The following FOXP1 variants were observed in gnomAD, a reference collection of about 807,000 sequenced individuals.
FOXP1 encodes forkhead box protein P1.
FOXP1 carries 15 observed loss-of-function variants against 98.2 expected under a neutral mutation model. The ratio of observed to expected loss-of-function variants is 0.15; its 90% CI spans 0.10 to 0.24. The LOEUF is 0.24. Among genes scored for constraint, FOXP1 ranks in the 10% least tolerant of loss-of-function variants. FOXP1 has a pLI of 1.00. For synonymous variants in FOXP1, 371 were observed against 314.5 expected (o/e 1.18, Z -1.90); for missense variants, 633 against 848.5 (o/e 0.75, Z 3.15).
At chr3:71,243,432 G>A (rs1321552394) in intron 5 of FOXP1, among the ~76,000 whole-genome samples, 2 of 152,148 alleles carry the variant, frequency 1.3e-5, no homozygotes, top group South Asian at 4.1e-4. Flanking sequence ...CTCGAGTCCC[G>A]TGCTGAAGCT....
At chr3:71,074,490 G>C (rs917382097) in intron 7 of FOXP1, among the ~76,000 whole-genome samples, 2 of 152,158 alleles carry the variant, frequency 1.3e-5, no homozygotes, top group East Asian at 1.9e-4. Context: ...GCCTTCCAAA[G>C]TACTGGGATT....
intron 2 of FOXP1, among the ~76,000 whole-genome samples, chr3:71,527,002 G>C (rs1282585617): frequency 6.6e-6 from 1 of 151,990 alleles, no homozygotes; most frequent in Non-Finnish European, 1.5e-5. Context: ...CCTCTGCAGG[G>C]AGGTAGCCCT....
chr3:71,395,100 C>CAAA (rs10543398), intron 3 of FOXP1, among the ~76,000 whole-genome samples: 194 of 63,610 alleles, frequency 3.0e-3, no homozygotes, highest in Middle Eastern at 9.8e-3. Flanking sequence ...AACCCCGTCA[C>CAAA]AAAAAAAAAA....
rs554696590 is a variant in FOXP1 at position 71,077,218 on chromosome 3, A to T, written c.283-23445T>A. 9.2e-5 allele frequency among the ~76,000 whole-genome samples: 14 copies of T among 152,328 alleles called. No homozygotes were observed. The South Asian group carries it at 2.9e-3, about 32-fold the overall frequency. ...GAAATAGAACTCTAACAAAAACGGC[A>T]TAGTCAAGGCTACCACTGACCTTTC... is the stretch of plus-strand genomic sequence containing the variant. On this transcript the variant is annotated intron_variant, in intron 7 of 20. Transcript: ENST00000649528.
chr3:71,053,492 G>T, intron 8 of FOXP1, 144 bp downstream of exon 8: 2 of 889,702 alleles, frequency 2.2e-6, no homozygotes, highest in Non-Finnish European at 3.5e-6. Flanking sequence ...TATTCAGGGA[G>T]TGGTCTGTGT....
At chr3:71,269,735 C>G (rs2070143259) in intron 5 of FOXP1, among the ~76,000 whole-genome samples, 1 of 152,106 alleles carries the variant, frequency 6.6e-6, no homozygotes, top group African/African-American at 2.4e-5. Context: ...CTTTAAAGCA[C>G]TTGATAATTT....
intron 3 of FOXP1, among the ~76,000 whole-genome samples, chr3:71,396,092 G>A (rs2081353107): frequency 6.6e-6 from 1 of 152,176 alleles, no homozygotes. Context: ...AGCAGCTAGA[G>A]CCTCATTCAG....
chr3:71,284,180 T>C (rs889935369), intron 5 of FOXP1, among the ~76,000 whole-genome samples: 5 of 152,176 alleles, frequency 3.3e-5, no homozygotes, highest in Admixed American at 2.6e-4. Context: ...AAAAGCAAGA[T>C]GGCAAGACAC....
At chr3:71,339,313 C>T (rs2076873912) in intron 4 of FOXP1, among the ~76,000 whole-genome samples, 2 of 152,224 alleles carry the variant, frequency 1.3e-5, no homozygotes, top group South Asian at 4.1e-4. Flanking sequence ...ACCTGGATAA[C>T]TTCCAAACAT....
At chr3:70,992,450 C>T (rs2040748804) in intron 13 of FOXP1, among the ~76,000 whole-genome samples, 1 of 152,114 alleles carries the variant, frequency 6.6e-6, no homozygotes, top group Non-Finnish European at 1.5e-5. Context: ...AAAGCAGTGA[C>T]TAGAAGGAGC....
At chr3:71,360,040 G>T (rs948570976) in intron 3 of FOXP1, among the ~76,000 whole-genome samples, 1 of 152,062 alleles carries the variant, frequency 6.6e-6, no homozygotes, top group Non-Finnish European at 1.5e-5. Flanking sequence ...TGATCCACCC[G>T]CCTCGGCCTC....
At chr3:71,541,538 G>A (rs938037590) in intron 2 of FOXP1, among the ~76,000 whole-genome samples, 2 of 152,174 alleles carry the variant, frequency 1.3e-5, no homozygotes, top group African/African-American at 2.4e-5. Flanking sequence ...TGGCTCTTCA[G>A]AACAAAGTCT....
chr3:71,250,845 C>T (rs1158117251), intron 5 of FOXP1, among the ~76,000 whole-genome samples: 8 of 152,058 alleles, frequency 5.3e-5, no homozygotes, highest in African/African-American at 9.7e-5. Flanking sequence ...GCAGGAGAAT[C>T]GCTTGAACCC....
intron 3 of FOXP1, among the ~76,000 whole-genome samples, chr3:71,493,050 A>C (rs781643312): frequency 6.6e-6 from 1 of 151,876 alleles, no homozygotes. Context: ...TTAGACTCAA[A>C]TTTCCCCTAA....
chr3:71,073,442 A>C (rs533649109), intron 7 of FOXP1, among the ~76,000 whole-genome samples: 1 of 152,212 alleles, frequency 6.6e-6, no homozygotes, highest in East Asian at 1.9e-4. Flanking sequence ...AGCCCTGTCA[A>C]CATTCTTACG....
At chr3:71,522,756 C>T (rs1560602689) in intron 2 of FOXP1, among the ~76,000 whole-genome samples, 1 of 152,148 alleles carries the variant, frequency 6.6e-6, no homozygotes, top group South Asian at 2.1e-4. Flanking sequence ...ACCTACTGCA[C>T]ATCTGTGTCT....
chr3:71,350,568 G>A (rs1423706079), intron 4 of FOXP1, among the ~76,000 whole-genome samples: 2 of 152,176 alleles, frequency 1.3e-5, no homozygotes, highest in African/African-American at 4.8e-5. Context: ...GGCAGGAAAT[G>A]AATGAACTCT....
At chr3:70,992,214 T>A (rs2040710041) in intron 13 of FOXP1, among the ~76,000 whole-genome samples, 1 of 152,174 alleles carries the variant, frequency 6.6e-6, no homozygotes, top group Admixed American at 6.5e-5. Context: ...TCAAGTTAAG[T>A]GAGAGACACT....
At position 71,182,502 on chromosome 3, in the gene FOXP1, ATGTGTGTGTG is replaced by A. The variant is rs1234678062; in HGVS notation, c.180+15690_180+15699del. On this transcript the variant is annotated intron_variant, in intron 6 of 20. Coordinates refer to ENST00000649528, the MANE Select transcript of FOXP1 (RefSeq NM_001349338.3). ...ATACAGAAAAGTGTAAACTATATAT[ATGTGTGTGTG>A]TGTGTGTGTGTGTGTGTGTGTATAT... Among the ~76,000 whole-genome samples, 340 of 133,700 alleles carry A rather than the reference ATGTGTGTGTG, an allele frequency of 2.5e-3. 3 individuals are homozygous for A. The highest frequency in any genetic ancestry group is 9.1e-3 in the African/African-American group (321 of 35,382). The allele number at this position is 133,700 out of a possible 152,430, so 87.7% of individuals were successfully genotyped here.
Sources: gnomAD v4.1 joint callset for allele counts (sites outside exome capture counted in the v4.1 genomes callset) on GRCh38, gnomAD v4.1.1 for gene constraint, MANE v1.5 for transcripts, NCBI Gene and HGNC (gene_info 2026-07-23, HGNC 2026-07-21) for gene names.